TRERF1: variants seen among roughly 807,000 people sequenced by gnomAD.
The protein encoded by TRERF1 is transcriptional-regulating factor 1.
TRERF1 carries 27 observed loss-of-function variants against 122.9 expected under a neutral mutation model. The observed-to-expected ratio is 0.22, with a 90% confidence interval of 0.16 to 0.30. The LOEUF is 0.30. Among genes scored for constraint, TRERF1 ranks in the 10% least tolerant of loss-of-function variants. The probability of loss-of-function intolerance (pLI) is 1.00; values close to 1 mark genes in which losing one functional copy is unlikely to be tolerated. For missense variants in TRERF1, 1,248 were observed against 1,560.3 expected, an observed-to-expected ratio of 0.80 and a Z score of 3.37; for synonymous variants, 636 against 641.7, an observed-to-expected ratio of 0.99 and a Z score of 0.13.
At chr6:42,378,217 C>T (rs75359444) in intron 2 of TRERF1, among the ~76,000 whole-genome samples, 4,422 of 152,156 alleles carry the variant, frequency 0.029, 202 homozygotes, top group African/African-American at 0.1. Flanking sequence ...TATCTTCCTA[C>T]GCTGAGGGCT....
At chr6:42,361,328 T>C (rs1221270930) in intron 3 of TRERF1, among the ~76,000 whole-genome samples, 1 of 152,256 alleles carries the variant, frequency 6.6e-6, no homozygotes, top group Non-Finnish European at 1.5e-5. Context: ...TCCACATCTA[T>C]GGCATTCTGT....
chr6:42,277,898 GGAAGAAGGAAGAAGAAGAAGAAGAA>G (rs1171321892), intron 4 of TRERF1, among the ~76,000 whole-genome samples: 38 of 114,008 alleles, frequency 3.3e-4, no homozygotes, highest in Admixed American at 4.6e-4. Flanking sequence ...GAAGGAAGAA[GGAAGAAGGAAGAAGAAGAAGAAGAA>G]GAAGAAGAAG....
chr6:42,237,880 T>C (rs1333907861), intron 15 of TRERF1, among the ~76,000 whole-genome samples: 2 of 152,248 alleles, frequency 1.3e-5, no homozygotes, highest in Admixed American at 6.5e-5. Context: ...CATACATGTA[T>C]ACTTGCGATG....
Position 42,259,481 on chromosome 6 carries a change from C to A in TRERF1, c.2127G>T (p.Thr709=), listed in dbSNP as rs1168718188. The A allele has an allele frequency of 1.9e-6, 3 of 1,608,568 alleles. No individual in the cohort carries two copies. The highest frequency in any genetic ancestry group is 2.5e-6 in the Non-Finnish European group (3 of 1,179,228). Residue 709 remains threonine, a synonymous_variant, in exon 9 of 18, where the codon ACG becomes ACT. Coordinates refer to ENST00000372922, the Ensembl canonical transcript of TRERF1. This position sits in a 1 kb window ranked among gnomAD's most constrained non-coding sequence, Gnocchi z 4.9. Reference sequence around the variant, plus strand: ...GCACCGGGCTCAGCATGGGTGGGGGCGTGTAAGGGGGCAGCTCGTGGGTGG... The same window carrying A: ...GCACCGGGCTCAGCATGGGTGGGGGAGTGTAAGGGGGCAGCTCGTGGGTGG...
chr6:42,273,130 C>A lies in TRERF1; in HGVS notation c.-258-3282G>T, dbSNP rs143111092. ...TCAGAAAGTTCACTCTGACCCCAAT[C>A]CCCAAGTCTACATCAGATTCCTTTC... On this transcript the variant is annotated intron_variant, in intron 4 of 17. Coordinates refer to ENST00000372922, the Ensembl canonical transcript of TRERF1. Among the ~76,000 whole-genome samples the A allele has an allele frequency of 9.3e-3, 1,421 of 152,200 alleles. 9 individuals are homozygous for A. The highest frequency in any genetic ancestry group is 0.021 in the South Asian group (99 of 4,826).
chr6:42,289,454 TA>T (rs776019491), intron 4 of TRERF1, among the ~76,000 whole-genome samples: 7 of 151,846 alleles, frequency 4.6e-5, no homozygotes, highest in Admixed American at 6.6e-5. Context: ...GGCCAGATGA[TA>T]CATATTCCGG....
At chr6:42,412,000 C>T (rs1259954059) in intron 2 of TRERF1, among the ~76,000 whole-genome samples, 5 of 125,278 alleles carry the variant, frequency 4.0e-5, no homozygotes, top group Admixed American at 8.7e-5. Context: ...TTAAAAAATC[C>T]TTTTTTTTTT....
At chr6:42,273,311 A>C (rs186775033) in intron 4 of TRERF1, among the ~76,000 whole-genome samples, 6 of 152,118 alleles carry the variant, frequency 3.9e-5, no homozygotes, top group African/African-American at 1.4e-4. Context: ...CCTCAAACCA[A>C]CCATAATGCC....
intron 2 of TRERF1, among the ~76,000 whole-genome samples, chr6:42,402,720 C>T (rs1446278437): frequency 6.6e-6 from 1 of 152,236 alleles, no homozygotes; most frequent in Non-Finnish European, 1.5e-5. Context: ...GCACCTACTA[C>T]ATCAGACACC....
chr6:42,237,527 C>T (rs577418236), intron 15 of TRERF1, among the ~76,000 whole-genome samples: 7 of 152,242 alleles, frequency 4.6e-5, no homozygotes, highest in Admixed American at 2.6e-4. Context: ...GTTTTATAAA[C>T]GAGGAAGGAA....
chr6:42,381,588 C>A (rs1469485747), intron 2 of TRERF1, among the ~76,000 whole-genome samples: 1 of 151,908 alleles, frequency 6.6e-6, no homozygotes, highest in East Asian at 1.9e-4. Flanking sequence ...ACCTTGAGGA[C>A]CAAGAGCAGG....
At chr6:42,252,752 T>C (rs867109889) in intron 13 of TRERF1, among the ~76,000 whole-genome samples, 55 of 152,186 alleles carry the variant, frequency 3.6e-4, no homozygotes, top group African/African-American at 1.3e-3. Context: ...AAGGAAACTG[T>C]TAAGGAGATG....
chr6:42,280,773 G>A (rs1782171242), intron 4 of TRERF1, among the ~76,000 whole-genome samples: 1 of 152,196 alleles, frequency 6.6e-6, no homozygotes, highest in East Asian at 1.9e-4. Context: ...GAGGAGGCCT[G>A]GAAGCCAATT....
At chr6:42,349,382 G>A (rs1768961170) in intron 3 of TRERF1, among the ~76,000 whole-genome samples, 1 of 151,874 alleles carries the variant, frequency 6.6e-6, no homozygotes, top group Non-Finnish European at 1.5e-5. Flanking sequence ...CAACCACATA[G>A]GCCAATACAT....
intron 3 of TRERF1, among the ~76,000 whole-genome samples, chr6:42,309,546 G>C (rs1344412867): frequency 2.0e-5 from 3 of 152,088 alleles, no homozygotes; most frequent in Non-Finnish European, 4.4e-5. Flanking sequence ...CTTACTCCAA[G>C]GTGTGGTCTT....
intron 3 of TRERF1, among the ~76,000 whole-genome samples, chr6:42,314,388 C>T (rs142860972): frequency 6.6e-5 from 10 of 152,278 alleles, no homozygotes; most frequent in African/African-American, 2.2e-4. Flanking sequence ...GCCAAGCTCA[C>T]CCGATGCTTT....
chr6:42,364,686 GGCAGGAGGCCTCTGCA>G (rs1772395020), intron 2 of TRERF1, among the ~76,000 whole-genome samples: 1 of 152,234 alleles, frequency 6.6e-6, no homozygotes, highest in Non-Finnish European at 1.5e-5. Context: ...CCCTGCAGAA[GGCAGGAGGCCTCTGCA>G]GCAAACCCAC....
At chr6:42,350,272 G>A (rs1769161998) in intron 3 of TRERF1, among the ~76,000 whole-genome samples, 1 of 152,212 alleles carries the variant, frequency 6.6e-6, no homozygotes, top group Admixed American at 6.5e-5. Context: ...ATGAGGCCCA[G>A]AGTGAACATG....
chr6:42,369,064 C>T (rs1773292397), intron 2 of TRERF1, among the ~76,000 whole-genome samples: 1 of 152,176 alleles, frequency 6.6e-6, no homozygotes, highest in South Asian at 2.1e-4. Context: ...GCTCTGACAT[C>T]AACTGTTTCC....
Sources: gnomAD v4.1 joint callset for allele counts (sites outside exome capture counted in the v4.1 genomes callset) on GRCh38, gnomAD v4.1.1 for gene constraint, Gnocchi (gnomAD v3.1) non-coding constraint, MANE v1.5 for transcripts, NCBI Gene and HGNC (gene_info 2026-07-23, HGNC 2026-07-21) for gene names.